MACROD2: variants seen among roughly 807,000 people sequenced by gnomAD.
MACROD2 encodes ADP-ribose glycohydrolase MACROD2.
MACROD2 carries 36 observed loss-of-function variants against 70.4 expected under a neutral mutation model. That is an observed-to-expected ratio of 0.51 (90% confidence interval 0.39 to 0.68). The LOEUF (loss-of-function observed/expected upper bound fraction) is 0.68. MACROD2 is among the 30% of genes least tolerant of loss of function. MACROD2 has a pLI of 0.00. For synonymous variants in MACROD2, 172 were observed against 178.8 expected (o/e 0.96, Z 0.30); for missense variants, 496 against 538.4 (o/e 0.92, Z 0.78).
At chr20:15,931,723 C>G (rs189654439) in intron 10 of MACROD2, among the ~76,000 whole-genome samples, 1 of 151,592 alleles carries the variant, frequency 6.6e-6, no homozygotes, top group African/African-American at 2.4e-5. Flanking sequence ...GGGTCCTGTA[C>G]GTATATTTAT....
At chr20:14,884,692 C>G (rs185330144) in intron 5 of MACROD2, 2 of 152,228 alleles carry the variant, frequency 1.3e-5, no homozygotes, top group African/African-American at 4.8e-5. Context: ...TGAGTTCAGG[C>G]CATGATGGGA....
rs186744735 is a variant in MACROD2, at chr20:14,141,592, A to C, written c.271+55864A>C. Among the ~76,000 whole-genome samples, 506 of 152,076 alleles carry C rather than the reference A, an allele frequency of 3.3e-3. 6 individuals carry two copies. Among genetic ancestry groups the C allele is most frequent in the African/African-American group, 0.012 (487 of 41,498 alleles). ...GAAACCCCATCTCTACAAAAAATAC[A>C]AAATTAGCTGGGTGTAGTGGCACAT... On this transcript the variant is annotated intron_variant, in intron 3 of 17. Coordinates refer to ENST00000684519, the MANE Select transcript of MACROD2 (RefSeq NM_001351661.2).
intron 5 of MACROD2, among the ~76,000 whole-genome samples, chr20:15,051,338 A>ATGTG (rs6147297): frequency 6.8e-4 from 88 of 129,440 alleles, no homozygotes; most frequent in Non-Finnish European, 7.9e-4. Context: ...TCAGTAGGAG[A>ATGTG]TGTGTGTGTG....
At chr20:15,752,001 A>G (rs2051279364) in intron 8 of MACROD2, among the ~76,000 whole-genome samples, 1 of 151,952 alleles carries the variant, frequency 6.6e-6, no homozygotes, top group Admixed American at 6.6e-5. Flanking sequence ...GGTTCCATAA[A>G]TTCCCACAGT....
At chr20:14,581,570 A>G (rs1981021086) in intron 4 of MACROD2, among the ~76,000 whole-genome samples, 1 of 152,244 alleles carries the variant, frequency 6.6e-6, no homozygotes, top group East Asian at 1.9e-4. Flanking sequence ...ATAAAAGGCC[A>G]TCATTTAGGA....
At chr20:14,587,989 C>G (rs1168357098) in intron 4 of MACROD2, among the ~76,000 whole-genome samples, 1 of 151,978 alleles carries the variant, frequency 6.6e-6, no homozygotes, top group Non-Finnish European at 1.5e-5. Flanking sequence ...GGAAAAGGAC[C>G]ATACTTTTCT....
chr20:14,520,282 A>G (rs2085151611), intron 4 of MACROD2, among the ~76,000 whole-genome samples: 1 of 152,118 alleles, frequency 6.6e-6, no homozygotes, highest in African/African-American at 2.4e-5. Flanking sequence ...AAGCCAATTT[A>G]TTTGCACTAG....
intron 3 of MACROD2, among the ~76,000 whole-genome samples, chr20:14,106,169 G>A (rs1252650386): frequency 6.6e-6 from 1 of 152,210 alleles, no homozygotes; most frequent in South Asian, 2.1e-4. Flanking sequence ...GGAGCCCACT[G>A]CCCTGAAGGG....
chr20:15,280,860 G>T (rs1370948745), intron 6 of MACROD2: 1 of 152,210 alleles, frequency 6.6e-6, no homozygotes, highest in African/African-American at 2.4e-5. Context: ...ATTTAGGGTG[G>T]CATGGCCTCT....
chr20:14,151,934 G>A (rs1429459090), intron 3 of MACROD2, among the ~76,000 whole-genome samples: 2 of 143,874 alleles, frequency 1.4e-5, no homozygotes, highest in African/African-American at 5.1e-5. Flanking sequence ...CCATTCTCCT[G>A]CCTCAGCCTC....
intron 13 of MACROD2, among the ~76,000 whole-genome samples, chr20:15,981,203 G>C (rs770682906): frequency 1.7e-4 from 26 of 152,100 alleles, no homozygotes; most frequent in Non-Finnish European, 3.5e-4. Context: ...AACCTGGTAG[G>C]GTCAGGCTAG....
intron 5 of MACROD2, among the ~76,000 whole-genome samples, chr20:14,693,598 A>G (rs2071087650): frequency 6.6e-6 from 1 of 152,220 alleles, no homozygotes; most frequent in Non-Finnish European, 1.5e-5. Context: ...ACTAATCCCA[A>G]AGATTAAATA....
intron 3 of MACROD2, among the ~76,000 whole-genome samples, chr20:14,298,127 T>A (rs2122476276): frequency 6.6e-6 from 1 of 152,072 alleles, no homozygotes; most frequent in Middle Eastern, 3.4e-3. Context: ...TTTCAAAATA[T>A]TACTGCTCAT....
intron 7 of MACROD2, among the ~76,000 whole-genome samples, chr20:15,439,328 A>G (rs1390268470): frequency 6.6e-6 from 1 of 152,224 alleles, no homozygotes; most frequent in Admixed American, 6.5e-5. Flanking sequence ...TAGTTCTGCT[A>G]TAATGAAATT....
intron 6 of MACROD2, among the ~76,000 whole-genome samples, chr20:15,344,406 A>T (rs1292039516): frequency 3.3e-5 from 5 of 152,150 alleles, no homozygotes; most frequent in Non-Finnish European, 5.9e-5. Context: ...GTAGGGCCAG[A>T]AAAAGCTCTT....
At chr20:15,017,569 G>T (rs1430573682) in intron 5 of MACROD2, among the ~76,000 whole-genome samples, 2 of 152,226 alleles carry the variant, frequency 1.3e-5, no homozygotes, top group East Asian at 3.8e-4. Context: ...GGGACTGTGT[G>T]TTGGGGCTCC....
intron 5 of MACROD2, among the ~76,000 whole-genome samples, chr20:14,830,796 A>G (rs2072955625): frequency 6.6e-6 from 1 of 152,166 alleles, no homozygotes. Flanking sequence ...TTGAGAAACA[A>G]TAATTTACCA....
At chr20:15,987,833 A>G (rs1228996878) in intron 15 of MACROD2, among the ~76,000 whole-genome samples, 1 of 152,204 alleles carries the variant, frequency 6.6e-6, no homozygotes, top group African/African-American at 2.4e-5. Flanking sequence ...GAACTTAAAG[A>G]ATTCAATTTT....
intron 5 of MACROD2, among the ~76,000 whole-genome samples, chr20:15,176,756 G>A (rs573413358): frequency 2.6e-5 from 4 of 152,072 alleles, no homozygotes; most frequent in African/African-American, 9.7e-5. Flanking sequence ...TAACAAACAG[G>A]GCTGAAACAT....
Sources: gnomAD v4.1 joint callset for allele counts (sites outside exome capture counted in the v4.1 genomes callset) on GRCh38, gnomAD v4.1.1 for gene constraint, MANE v1.5 for transcripts, NCBI Gene and HGNC (gene_info 2026-07-23, HGNC 2026-07-21) for gene names.